Variants in RGS3 observed in about 807,000 individuals in gnomAD.
RGS3 encodes the protein regulator of G protein signaling 3, also known as regulator of G-protein signalling 3.
A neutral mutation model predicts 132.6 loss-of-function variants in RGS3; 80 were observed. The ratio of observed to expected loss-of-function variants is 0.60; its 90% CI spans 0.50 to 0.73. The LOEUF is 0.73. RGS3 is among the 30% of genes least tolerant of loss of function. The probability of loss-of-function intolerance (pLI) is 0.00; values close to 1 mark genes in which losing one functional copy is unlikely to be tolerated. For missense variants in RGS3, 1,382 were observed against 1,530.8 expected, an observed-to-expected ratio of 0.90 and a Z score of 1.62; for synonymous variants, 598 against 620.6, an observed-to-expected ratio of 0.96 and a Z score of 0.54.
chr9:113,585,815 A>G (rs1453714621), intron 20 of RGS3, among the ~76,000 whole-genome samples: 2 of 152,228 alleles, frequency 1.3e-5, no homozygotes, highest in African/African-American at 4.8e-5. Context: ...CTTAGCCACT[A>G]GCAAGAAGGC....
chr9:113,501,174 T>C (rs7040031), intron 10 of RGS3, among the ~76,000 whole-genome samples: 18,006 of 151,592 alleles, frequency 0.12, 1,271 homozygotes, highest in African/African-American at 0.19. Flanking sequence ...GGGGAGGAGG[T>C]GTTGTTATAG....
chr9:113,563,500 AC>A (rs1833874574), intron 19 of RGS3, among the ~76,000 whole-genome samples: 1 of 152,170 alleles, frequency 6.6e-6, no homozygotes, highest in South Asian at 2.1e-4. Flanking sequence ...CATCCTAGAA[AC>A]CAGCCAGCCT....
At chr9:113,468,928 C>T (rs971092060) in intron 3 of RGS3, among the ~76,000 whole-genome samples, 1 of 151,944 alleles carries the variant, frequency 6.6e-6, no homozygotes, top group Non-Finnish European at 1.5e-5. Flanking sequence ...TCGGGAGCAG[C>T]TCTAAATGTA....
chr9:113,570,069 TCCTA>T (rs1410990065), intron 19 of RGS3: 1 of 152,204 alleles, frequency 6.6e-6, no homozygotes, highest in Non-Finnish European at 1.5e-5. Flanking sequence ...GAAGGATCTC[TCCTA>T]CCTTACAGTC....
At chr9:113,593,025 G>A (rs1320494349) in intron 21 of RGS3, 1 of 152,244 alleles carries the variant, frequency 6.6e-6, no homozygotes, top group Non-Finnish European at 1.5e-5. Flanking sequence ...TGGCAAGAAA[G>A]TGGTGGGGTT....
chr9:113,585,274 G>T (rs1835059095), intron 20 of RGS3, among the ~76,000 whole-genome samples: 1 of 152,214 alleles, frequency 6.6e-6, no homozygotes, highest in Non-Finnish European at 1.5e-5. Context: ...TGTGGCTTTG[G>T]TTGAGTCACT....
chr9:113,585,714 TCCTC>T (rs1282965987), intron 20 of RGS3, among the ~76,000 whole-genome samples: 1 of 152,158 alleles, frequency 6.6e-6, no homozygotes, highest in Non-Finnish European at 1.5e-5. Flanking sequence ...GTGCTGCTAT[TCCTC>T]CCTCCAACCC....
intron 19 of RGS3, chr9:113,581,032 C>CCGGGGGGGGGGGG: frequency 3.0e-5 from 2 of 67,532 alleles, no homozygotes; most frequent in Non-Finnish European, 5.6e-5. Context: ...GGGGGTGGGT[C>CCGGGGGGGGGGGG]GGGGGGAGGT....
At chr9:113,588,659 T>G (rs1439517083) in intron 20 of RGS3, among the ~76,000 whole-genome samples, 1 of 152,228 alleles carries the variant, frequency 6.6e-6, no homozygotes, top group Non-Finnish European at 1.5e-5. Flanking sequence ...TAAAACACTT[T>G]GGCCCGGCAC....
At chr9:113,517,239 T>C (rs1437368823) in intron 15 of RGS3, 1 of 538,124 alleles carries the variant, frequency 1.9e-6, no homozygotes, top group South Asian at 1.5e-5. Context: ...GGGTGAGAGC[T>C]GGGGCTGAGG....
At chr9:113,578,895 A>G (rs1834656330) in intron 19 of RGS3, among the ~76,000 whole-genome samples, 1 of 152,204 alleles carries the variant, frequency 6.6e-6, no homozygotes, top group South Asian at 2.1e-4. Flanking sequence ...AGCAGCAGGC[A>G]TCCTCACCCA....
chr9:113,569,382 G>A (rs1327870338), intron 19 of RGS3, among the ~76,000 whole-genome samples: 2 of 152,158 alleles, frequency 1.3e-5, no homozygotes, highest in Non-Finnish European at 2.9e-5. Flanking sequence ...GCAGGCCGAA[G>A]GCAGCCAGGA....
At chr9:113,580,803 G>A in intron 19 of RGS3, 1 of 985,810 alleles carries the variant, frequency 1.0e-6, no homozygotes, top group Non-Finnish European at 1.2e-6. Context: ...CTGGTTTTGG[G>A]TTTGTTGCTG....
Position 113,507,588 on chromosome 9 carries a change from C to T in RGS3, c.1387C>T (p.Pro463Ser), listed in dbSNP as rs1162524265. 10 of 1,515,032 alleles carry T rather than the reference C, an allele frequency of 6.6e-6. No individual in the cohort carries two copies. The highest frequency in any genetic ancestry group is 8.9e-6 in the Non-Finnish European group (10 of 1,128,476). 93.8% of individuals were successfully genotyped at this position (1,515,032 alleles called of 1,614,324 possible). A position where few individuals can be genotyped will look rare whatever the true frequency, so the allele number is the denominator to read the frequency against. ...GCCTGCACTGTCCCGTGCCACTGCCCCCACCGACCCCAACTACATCATCCT... is the reference window on the plus strand; with the variant it reads ...GCCTGCACTGTCCCGTGCCACTGCCTCCACCGACCCCAACTACATCATCCT... Residue 463 changes from proline (P) to serine (S), a missense_variant, in exon 13 of 25, where the codon CCC (proline) becomes TCC (serine). Coordinates refer to ENST00000350696, the Ensembl canonical transcript of RGS3. The surrounding 1 kb of genome is among the most constrained non-coding windows in gnomAD (Gnocchi z 5.0).
At chr9:113,446,728 T>C (rs551658543) in intron 1 of RGS3, among the ~76,000 whole-genome samples, 1 of 152,214 alleles carries the variant, frequency 6.6e-6, no homozygotes, top group African/African-American at 2.4e-5. Flanking sequence ...AATCCAACTC[T>C]GAACAATTTT....
intron 16 of RGS3, chr9:113,522,661 G>C: frequency 2.1e-6 from 1 of 468,596 alleles, no homozygotes; most frequent in Non-Finnish European, 3.9e-6. Context: ...GCCATGGAGG[G>C]TGAGGGCCAC....
At chr9:113,520,521 A>G (rs982400645) in intron 16 of RGS3, among the ~76,000 whole-genome samples, 2 of 107,126 alleles carry the variant, frequency 1.9e-5, no homozygotes, top group Admixed American at 2.0e-4. Flanking sequence ...CCCTACTTCC[A>G]CCCCTCTCTG....
chr9:113,528,318 G>A (rs1303251366), intron 17 of RGS3, among the ~76,000 whole-genome samples: 2 of 152,320 alleles, frequency 1.3e-5, no homozygotes, highest in East Asian at 3.9e-4. Flanking sequence ...GTGCTGCCAG[G>A]CCCTGAGGAG....
chr9:113,580,706 C>A, intron 19 of RGS3: 1 of 755,960 alleles, frequency 1.3e-6, no homozygotes, highest in Non-Finnish European at 1.6e-6. Flanking sequence ...GGCAGTACCC[C>A]TGCCTGAGTG....
Sources: gnomAD v4.1 joint callset for allele counts (sites outside exome capture counted in the v4.1 genomes callset) on GRCh38, gnomAD v4.1.1 for gene constraint, Gnocchi (gnomAD v3.1) non-coding constraint, MANE v1.5 for transcripts, NCBI Gene and HGNC (gene_info 2026-07-23, HGNC 2026-07-21) for gene names.